Variants in ROBO2 observed in about 807,000 individuals in gnomAD.
ROBO2 encodes roundabout homolog 2.
A neutral mutation model predicts 160.8 loss-of-function variants in ROBO2; 53 were observed. The observed-to-expected ratio is 0.33, with a 90% CI of 0.26 to 0.41. The LOEUF (loss-of-function observed/expected upper bound fraction) is 0.41. Among genes scored for constraint, ROBO2 ranks in the 10% least tolerant of loss-of-function variants. The probability of loss-of-function intolerance (pLI) is 1.00; values close to 1 mark genes in which losing one functional copy is unlikely to be tolerated. For missense variants in ROBO2, 1,577 were observed against 1,722.4 expected (o/e 0.92, Z 1.49); for synonymous variants, 664 against 611.7 (o/e 1.09, Z -1.26).
At chr3:76,662,555 G>A (rs538391109) in intron 2 of ROBO2, among the ~76,000 whole-genome samples, 1 of 151,934 alleles carries the variant, frequency 6.6e-6, no homozygotes, top group East Asian at 1.9e-4. Context: ...AAACATTACA[G>A]TCAAAGTGGA....
At chr3:76,014,486 TGC>T (rs2066337668) in intron 2 of ROBO2, among the ~76,000 whole-genome samples, 3 of 79,214 alleles carry the variant, frequency 3.8e-5, no homozygotes, top group Non-Finnish European at 5.5e-5. Flanking sequence ...TGGTGGCTTA[TGC>T]GTGTAATCCC....
intron 2 of ROBO2, among the ~76,000 whole-genome samples, chr3:76,205,712 T>C (rs1702768283): frequency 6.6e-6 from 1 of 152,162 alleles, no homozygotes; most frequent in Non-Finnish European, 1.5e-5. Context: ...AGAGCTTTGC[T>C]CTTGCACGTC....
chr3:76,992,089 A>C (rs2060697514), intron 2 of ROBO2, among the ~76,000 whole-genome samples: 1 of 152,014 alleles, frequency 6.6e-6, no homozygotes, highest in Non-Finnish European at 1.5e-5. Flanking sequence ...TTGTTCCAAG[A>C]AAATTTACTA....
At chr3:75,964,337 T>TA (rs1224100689) in intron 2 of ROBO2, among the ~76,000 whole-genome samples, 7 of 151,762 alleles carry the variant, frequency 4.6e-5, no homozygotes, top group Admixed American at 3.9e-4. Flanking sequence ...TTGTGGTTTT[T>TA]ACGTAAAGCT....
intron 2 of ROBO2, among the ~76,000 whole-genome samples, chr3:76,333,546 C>G (rs2073649998): frequency 6.6e-6 from 1 of 152,072 alleles, no homozygotes; most frequent in Non-Finnish European, 1.5e-5. Flanking sequence ...GATGTGGTTG[C>G]TGATCTTAAG....
chr3:77,479,562 C>T (rs2084432919), intron 3 of ROBO2, among the ~76,000 whole-genome samples: 2 of 151,928 alleles, frequency 1.3e-5, no homozygotes, highest in East Asian at 1.9e-4. Context: ...TTTGGGATAT[C>T]GTTTTCTGAG....
chr3:77,549,840 T>G (rs1335168557), intron 7 of ROBO2, among the ~76,000 whole-genome samples: 6 of 152,038 alleles, frequency 3.9e-5, no homozygotes, highest in Non-Finnish European at 7.4e-5. Flanking sequence ...TGAAACTGTT[T>G]AATTACAAAC....
intron 24 of ROBO2, among the ~76,000 whole-genome samples, 174 bp downstream of exon 26, chr3:77,643,117 CG>C (rs2095371676): frequency 6.6e-6 from 1 of 152,338 alleles, no homozygotes; most frequent in Admixed American, 6.5e-5. Flanking sequence ...CTGATTCCAA[CG>C]GGCATTGCTC....
At chr3:77,417,759 G>A (rs1348757462) in intron 2 of ROBO2, among the ~76,000 whole-genome samples, 2 of 151,924 alleles carry the variant, frequency 1.3e-5, no homozygotes, top group African/African-American at 2.4e-5. Flanking sequence ...ACTCAGCAAT[G>A]TTATCAATGA....
At chr3:76,854,188 G>T (rs2069784428) in intron 2 of ROBO2, among the ~76,000 whole-genome samples, 1 of 151,690 alleles carries the variant, frequency 6.6e-6, no homozygotes, top group Non-Finnish European at 1.5e-5. Context: ...AGTACTTTTA[G>T]AAATAATTCA....
intron 2 of ROBO2, among the ~76,000 whole-genome samples, chr3:76,732,206 A>G (rs1189720831): frequency 1.3e-5 from 2 of 152,206 alleles, no homozygotes; most frequent in East Asian, 3.9e-4. Context: ...CAAGTAAAGG[A>G]GAGTGTTTGG....
At chr3:77,637,918 A>G (rs146716422) in intron 24 of ROBO2, among the ~76,000 whole-genome samples, 164 of 152,338 alleles carry the variant, frequency 1.1e-3, no homozygotes, top group African/African-American at 3.8e-3. Flanking sequence ...TTTCTAAAAA[A>G]TAAATGTTTC....
At chr3:75,921,526 A>G (rs1337341089) in intron 1 of ROBO2, among the ~76,000 whole-genome samples, 4 of 152,046 alleles carry the variant, frequency 2.6e-5, no homozygotes, top group African/African-American at 4.8e-5. Context: ...TTCTATTTTT[A>G]TTGATCAGAA....
chr3:76,276,170 C>T (rs1400250666), intron 2 of ROBO2, among the ~76,000 whole-genome samples: 2 of 151,918 alleles, frequency 1.3e-5, no homozygotes, highest in Admixed American at 6.6e-5. Flanking sequence ...ATTTTAATCA[C>T]TCATAATTTA....
At chr3:76,259,211 A>C (rs1706587714) in intron 2 of ROBO2, among the ~76,000 whole-genome samples, 1 of 152,120 alleles carries the variant, frequency 6.6e-6, no homozygotes, top group African/African-American at 2.4e-5. Flanking sequence ...TAGGAGAGAA[A>C]GTATGACATC....
chr3:76,890,617 T>C (rs2074277666), intron 2 of ROBO2, among the ~76,000 whole-genome samples: 1 of 152,174 alleles, frequency 6.6e-6, no homozygotes, highest in African/African-American at 2.4e-5. Context: ...TAAATATATA[T>C]TGCTATGGTG....
At chr3:76,434,737 G>A in intron 2 of ROBO2, 1 of 1,106,490 alleles carries the variant, frequency 9.0e-7, no homozygotes, top group South Asian at 1.2e-5. Flanking sequence ...TCTACCAGTT[G>A]AGGCTCAGAT....
chr3:77,548,030 A>G (rs530009577), intron 7 of ROBO2, among the ~76,000 whole-genome samples: 1 of 151,464 alleles, frequency 6.6e-6, no homozygotes, highest in African/African-American at 2.4e-5. Context: ...ACACACATAC[A>G]CATACGCCAC....
intron 2 of ROBO2, among the ~76,000 whole-genome samples, chr3:77,369,349 C>A (rs1250926999): frequency 1.3e-5 from 2 of 152,204 alleles, no homozygotes; most frequent in East Asian, 3.9e-4. Flanking sequence ...AGGTCCTGGA[C>A]TGTAGCAGGT....
Sources: allele counts gnomAD v4.1 joint callset (sites outside exome capture counted in the v4.1 genomes callset), GRCh38; gene constraint gnomAD v4.1.1; transcripts MANE v1.5; gene names NCBI Gene and HGNC (gene_info 2026-07-23, HGNC 2026-07-21).